The following TUBGCP3 variants were observed in gnomAD, a reference collection of about 807,000 sequenced individuals.
TUBGCP3 encodes gamma-tubulin complex component 3.
TUBGCP3 carries 50 observed loss-of-function variants against 123.1 expected under a neutral mutation model. That is an observed-to-expected ratio of 0.41 (90% confidence interval 0.32 to 0.51). TUBGCP3 has a LOEUF of 0.51. TUBGCP3 is among the 20% of genes least tolerant of loss of function. TUBGCP3 has a pLI of 0.36. For synonymous variants in TUBGCP3, 405 were observed against 413.9 expected, an observed-to-expected ratio of 0.98 and a Z score of 0.26; for missense variants, 882 against 1,127.0, an observed-to-expected ratio of 0.78 and a Z score of 3.11.
At chr13:112,544,127 C>G (rs756247374) in intron 11 of TUBGCP3, among the ~76,000 whole-genome samples, 3 of 152,144 alleles carry the variant, frequency 2.0e-5, no homozygotes, top group Non-Finnish European at 2.9e-5. Flanking sequence ...ATAGGCACTC[C>G]TGAGTGCAAC....
At chr13:112,518,867 A>T in intron 16 of TUBGCP3, 108 bp downstream of exon 16, 1 of 914,506 alleles carries the variant, frequency 1.1e-6, no homozygotes, top group Non-Finnish European at 1.8e-6. Flanking sequence ...TTAGATGTCG[A>T]GTGATCACTT....
chr13:112,542,155 C>A (rs1002638397), intron 11 of TUBGCP3, among the ~76,000 whole-genome samples: 2 of 152,138 alleles, frequency 1.3e-5, no homozygotes, highest in Admixed American at 1.3e-4. Flanking sequence ...AAAGAACATA[C>A]GTTCTGAAAA....
the TUBGCP3 span, among the ~76,000 whole-genome samples, chr13:112,599,810 C>T: frequency 6.6e-6 from 1 of 152,090 alleles, no homozygotes; most frequent in East Asian, 1.9e-4. Flanking sequence ...TGAGCCACTG[C>T]GCCCAGCCTA....
chr13:112,554,831 T>G, intron 7 of TUBGCP3, 56 bp downstream of exon 7: 1 of 1,319,490 alleles, frequency 7.6e-7, no homozygotes, highest in Non-Finnish European at 1.1e-6. Flanking sequence ...CTATCTGGAC[T>G]TCATGACATG....
intron 2 of TUBGCP3, among the ~76,000 whole-genome samples, chr13:112,566,376 C>A (rs2139263385): frequency 6.6e-6 from 1 of 152,268 alleles, no homozygotes; most frequent in Admixed American, 6.5e-5. Flanking sequence ...AGCTCATCAG[C>A]CAATCACATT....
chr13:112,550,964 T>C (rs562892032), intron 8 of TUBGCP3, among the ~76,000 whole-genome samples: 16 of 152,058 alleles, frequency 1.1e-4, no homozygotes, highest in African/African-American at 3.9e-4. Flanking sequence ...CCGGGCGTGG[T>C]GGTGGGTGCC....
intron 19 of TUBGCP3, among the ~76,000 whole-genome samples, chr13:112,501,665 GGTTT>G (rs1468649619): frequency 1.3e-5 from 2 of 151,916 alleles, no homozygotes; most frequent in East Asian, 1.9e-4. Flanking sequence ...TTACATACTG[GGTTT>G]ATTTATTTTT....
At chr13:112,587,880 G>A (rs371588031) in intron 1 of TUBGCP3, 25 bp downstream of exon 1, 60 of 1,580,536 alleles carry the variant, frequency 3.8e-5, no homozygotes, top group South Asian at 2.8e-4. Context: ...GGGTCTGCGG[G>A]CTTCGCGTCG....
At position 112,511,538 on chromosome 13, in the gene TUBGCP3, C is replaced by G; in HGVS notation, c.2086+4902G>C. Among the ~76,000 whole-genome samples the G allele has an allele frequency of 6.6e-6, 1 of 152,056 alleles. No homozygotes were observed. The highest frequency in any genetic ancestry group is 2.4e-5 in the African/African-American group (1 of 41,388). ...GGAGCACAGAGCCCAGCTCCAGGAT[C>G]CAAGAGGAGCTGGGGCCAGGTTTAC... is the stretch of plus-strand genomic sequence containing the variant. On this transcript the variant is annotated intron_variant, in intron 17 of 21. Transcript: ENST00000261965. The surrounding 1 kb of genome is among the most constrained non-coding windows in gnomAD (Gnocchi z 4.1).
At position 112,545,181 on chromosome 13, in the gene TUBGCP3, G is replaced by A. The variant is rs577996721; in HGVS notation, c.1335+518C>T. ...CTTACTGACAAAGGTTTTGAGTGTG[G>A]TGCCCCTCACCCTACCTTCCACCAA... is the stretch of plus-strand genomic sequence containing the variant. On this transcript the variant is annotated intron_variant, in intron 11 of 21. Transcript: ENST00000261965. The surrounding 1 kb of genome is among the most constrained non-coding windows in gnomAD (Gnocchi z 4.1). 1 of 154,368 alleles carries A rather than the reference G, an allele frequency of 6.5e-6. No homozygotes were observed. Among genetic ancestry groups the A allele is most frequent in the East Asian group, 1.9e-4 (1 of 5,310 alleles). The allele number at this position is 154,368 out of a possible 1,614,324, so 9.6% of individuals were successfully genotyped here.
rs986755590 is a variant in TUBGCP3 at position 112,522,265 on chromosome 13, T to C, written c.1745+55A>G. On this transcript the variant is annotated intron_variant, in intron 14 of 21. Transcript: ENST00000261965. ...ATAATTTATTCTTTTAAATACAAGA[T>C]TCCTTATCATGTCAAATATATTACT... is the stretch of plus-strand genomic sequence containing the variant. 51 of 1,320,642 alleles carry C rather than the reference T, an allele frequency of 3.9e-5. No individual in the cohort carries two copies. The East Asian group carries it at 4.9e-4, about 13-fold the overall frequency. 81.8% of individuals were successfully genotyped at this position (1,320,642 alleles called of 1,614,324 possible).
At chr13:112,488,123 C>G (rs544481192) in intron 21 of TUBGCP3, among the ~76,000 whole-genome samples, 37 of 132,022 alleles carry the variant, frequency 2.8e-4, no homozygotes, top group African/African-American at 1.1e-3. Context: ...CAGAGCAAGA[C>G]TTGGTCTCAA....
intron 20 of TUBGCP3, among the ~76,000 whole-genome samples, chr13:112,496,388 C>T (rs1880530669): frequency 6.6e-6 from 1 of 152,226 alleles, no homozygotes; most frequent in South Asian, 2.1e-4. Flanking sequence ...TCGGTCCCAG[C>T]ACACACCCAG....
At chr13:112,561,281 T>C (rs1880498689) in intron 3 of TUBGCP3, among the ~76,000 whole-genome samples, 1 of 152,170 alleles carries the variant, frequency 6.6e-6, no homozygotes, top group South Asian at 2.1e-4. Flanking sequence ...CAGGGGCCCG[T>C]GAGGCTCAGG....
At chr13:112,590,843 G>A (rs909465694), upstream of TUBGCP3, among the ~76,000 whole-genome samples, 4 of 152,138 alleles carry the variant, frequency 2.6e-5, no homozygotes, top group Admixed American at 6.5e-5. Context: ...TCCCTTGACT[G>A]GAAGCTCTTT....
At chr13:112,535,895 T>G (rs981571936) in intron 11 of TUBGCP3, among the ~76,000 whole-genome samples, 3 of 152,266 alleles carry the variant, frequency 2.0e-5, no homozygotes, top group African/African-American at 7.2e-5. Context: ...TTTTATAACT[T>G]TGGCCCTTAA....
chr13:112,598,944 T>TC, the TUBGCP3 span, among the ~76,000 whole-genome samples: 1 of 88,194 alleles, frequency 1.1e-5, no homozygotes, highest in African/African-American at 4.1e-5. Flanking sequence ...AGACTCCGTC[T>TC]CAAAAAAAAA....
At chr13:112,596,317 C>T in the TUBGCP3 span, among the ~76,000 whole-genome samples, 1 of 152,120 alleles carries the variant, frequency 6.6e-6, no homozygotes, top group Non-Finnish European at 1.5e-5. Context: ...GCAGCAAATT[C>T]TTTTTGTTTT....
chr13:112,532,920 GTTAGAC>G (rs1277133636), intron 11 of TUBGCP3, among the ~76,000 whole-genome samples: 4 of 152,244 alleles, frequency 2.6e-5, no homozygotes, highest in African/African-American at 9.6e-5. Context: ...AATCCCAGAT[GTTAGAC>G]TTAGAGGCAG....
Sources: allele counts gnomAD v4.1 joint callset (sites outside exome capture counted in the v4.1 genomes callset), GRCh38; gene constraint gnomAD v4.1.1; non-coding constraint Gnocchi (gnomAD v3.1); transcripts MANE v1.5; gene names NCBI Gene and HGNC (gene_info 2026-07-23, HGNC 2026-07-21).